The following HCN1 variants were observed in gnomAD, a reference collection of about 807,000 sequenced individuals.
HCN1 encodes hyperpolarization activated cyclic nucleotide gated potassium channel 1.
In HCN1, 13 loss-of-function variants were observed where a neutral mutation model predicts 78.9. That is an observed-to-expected ratio of 0.16 (90% CI 0.11 to 0.26). The LOEUF (loss-of-function observed/expected upper bound fraction) is 0.26, where lower values mean the gene tolerates loss of function less well. Ranked by LOEUF, HCN1 falls within the 10% of genes least tolerant of loss-of-function variation. The pLI is 1.00. For missense variants in HCN1, 810 were observed against 1,154.3 expected (o/e 0.70, Z 4.32); for synonymous variants, 552 against 455.5 (o/e 1.21, Z -2.70).
At position 45,571,061 on chromosome 5, in the gene HCN1, G is replaced by A. The variant is rs1367428861; in HGVS notation, c.849+74124C>T. 5.3e-5 allele frequency among the ~76,000 whole-genome samples: 8 copies of A among 152,036 alleles called. No homozygotes were observed. In the East Asian group the frequency reaches 1.6e-3, roughly 30 times the overall value. ...ACAATTCATGCTGTTTCCCATTTTT[G>A]ACTTCTTCCATGTCTACATTGGTTT... On this transcript the variant is annotated intron_variant, in intron 2 of 7. Transcript: ENST00000303230.
At chr5:45,279,880 AT>A (rs1745126542) in intron 6 of HCN1, among the ~76,000 whole-genome samples, 1 of 152,112 alleles carries the variant, frequency 6.6e-6, no homozygotes, top group African/African-American at 2.4e-5. Flanking sequence ...TGGTATTAAC[AT>A]TTTTTAAGCA....
chr5:45,462,606 C>G (rs1187093928), intron 2 of HCN1, among the ~76,000 whole-genome samples: 1 of 152,022 alleles, frequency 6.6e-6, no homozygotes, highest in Non-Finnish European at 1.5e-5. Flanking sequence ...TTGTGCAACA[C>G]TTTTAAAAAT....
intron 2 of HCN1, among the ~76,000 whole-genome samples, chr5:45,496,051 TC>T (rs1460853557): frequency 1.3e-5 from 2 of 152,150 alleles, no homozygotes; most frequent in Non-Finnish European, 2.9e-5. Context: ...AGGATATTGG[TC>T]TAAAATTCTC....
chr5:45,371,714 AC>A (rs1165230918), intron 4 of HCN1, among the ~76,000 whole-genome samples: 1 of 148,008 alleles, frequency 6.8e-6, no homozygotes, highest in Non-Finnish European at 1.5e-5. Context: ...CCAAGATAGC[AC>A]CATTTCACTC....
intron 6 of HCN1, among the ~76,000 whole-genome samples, chr5:45,300,702 C>A (rs1054210605): frequency 6.6e-6 from 1 of 152,022 alleles, no homozygotes; most frequent in African/African-American, 2.4e-5. Context: ...GGGGTTGGTA[C>A]CCCTAATCTC....
At chr5:45,266,149 T>C (rs1355240710) in intron 7 of HCN1, among the ~76,000 whole-genome samples, 2 of 152,234 alleles carry the variant, frequency 1.3e-5, no homozygotes, top group African/African-American at 2.4e-5. Flanking sequence ...AACTTTACTA[T>C]GGCAATTATG....
chr5:45,610,235 A>G (rs184154903), intron 2 of HCN1, among the ~76,000 whole-genome samples: 357 of 152,248 alleles, frequency 2.3e-3, no homozygotes, highest in Non-Finnish European at 4.0e-3. Context: ...AGCAGAAAAT[A>G]GCCATGAGAA....
chr5:45,688,937 A>C (rs1268990280), intron 1 of HCN1, among the ~76,000 whole-genome samples: 2 of 152,102 alleles, frequency 1.3e-5, no homozygotes, highest in Admixed American at 1.3e-4. Flanking sequence ...ATAAGCAAAA[A>C]TCTACAGAGA....
intron 2 of HCN1, among the ~76,000 whole-genome samples, chr5:45,591,714 C>T (rs1265506513): frequency 1.3e-5 from 2 of 152,174 alleles, no homozygotes; most frequent in African/African-American, 4.8e-5. Flanking sequence ...TGATGCATTT[C>T]TTTCAGTCTC....
Position 45,259,371 on chromosome 5 carries a change from G to C in HCN1, c.*2550C>G, listed in dbSNP as rs879267309. 2.6e-5 allele frequency: 4 copies of C among 152,252 alleles called. No homozygotes were observed. The highest frequency in any genetic ancestry group is 2.6e-4 in the Admixed American group (4 of 15,230). 9.4% of individuals were successfully genotyped at this position (152,252 alleles called of 1,614,324 possible). Reference sequence around the variant, plus strand: ...GATCATACAGTTGTTGTAAGAATCAGCTATTCTATTATCTTTCCAGCAGCA... The same window carrying C: ...GATCATACAGTTGTTGTAAGAATCACCTATTCTATTATCTTTCCAGCAGCA... On this transcript the variant is annotated 3_prime_UTR_variant, in exon 8 of 8. Transcript: ENST00000303230.
At chr5:45,267,599 C>A (rs530501510) in intron 6 of HCN1, among the ~76,000 whole-genome samples, 1 of 152,142 alleles carries the variant, frequency 6.6e-6, no homozygotes, top group East Asian at 1.9e-4. Flanking sequence ...GAAACCCCGT[C>A]TCTACTAAAA....
intron 3 of HCN1, among the ~76,000 whole-genome samples, chr5:45,450,420 A>G (rs558156782): frequency 6.6e-6 from 1 of 152,274 alleles, no homozygotes; most frequent in African/African-American, 2.4e-5. Context: ...CAGCTTTCTG[A>G]TTGAGTTTTA....
chr5:45,422,338 A>C (rs1740246046), intron 3 of HCN1, among the ~76,000 whole-genome samples: 1 of 152,130 alleles, frequency 6.6e-6, no homozygotes, highest in Non-Finnish European at 1.5e-5. Flanking sequence ...TGTTTAAATA[A>C]ATTTGTAATA....
intron 2 of HCN1, among the ~76,000 whole-genome samples, chr5:45,561,120 A>G (rs1341427148): frequency 6.6e-6 from 1 of 152,104 alleles, no homozygotes; most frequent in Non-Finnish European, 1.5e-5. Context: ...AATCAGATTT[A>G]TATTTTTAAA....
Position 45,262,053 on chromosome 5 carries a change from C to A in HCN1, c.2541G>T (p.Ser847=), listed in dbSNP as rs1158586028. 6.2e-7 allele frequency: 1 copy of A among 1,613,872 alleles called. No individual in the cohort carries two copies. Among genetic ancestry groups the A allele is most frequent in the Non-Finnish European group, 8.5e-7 (1 of 1,179,978 alleles). The change falls in exon 8 of 8, where the codon TCG becomes TCT. Residue 847 remains serine (S), a synonymous_variant. Coordinates refer to ENST00000303230, the MANE Select transcript of HCN1 (RefSeq NM_021072.4). The stretch of plus-strand genomic sequence containing the variant: ...CTCCTCGGTTCGGGGGGATGGCTCC[C>A]GACGACATCTGTCGGAAGAGGGTGA... ...QRVTLFRQMS[S]GAIPPNRGVP...
intron 5 of HCN1, among the ~76,000 whole-genome samples, chr5:45,332,308 C>G (rs922385151): frequency 2.0e-5 from 3 of 151,480 alleles, no homozygotes; most frequent in Non-Finnish European, 4.4e-5. Context: ...TATCCATCCT[C>G]AAGGATTTAT....
At chr5:45,335,128 C>T (rs190380352) in intron 5 of HCN1, among the ~76,000 whole-genome samples, 43 of 152,092 alleles carry the variant, frequency 2.8e-4, no homozygotes, top group Admixed American at 2.8e-3. Flanking sequence ...TGGCTCTTCA[C>T]AATCCATTGT....
chr5:45,577,519 A>C (rs1429466423), intron 2 of HCN1, among the ~76,000 whole-genome samples: 1 of 152,136 alleles, frequency 6.6e-6, no homozygotes, highest in Non-Finnish European at 1.5e-5. Context: ...AAGAAATATA[A>C]AATTATAGGC....
At chr5:45,476,044 G>A (rs1430421595) in intron 2 of HCN1, among the ~76,000 whole-genome samples, 10 of 152,094 alleles carry the variant, frequency 6.6e-5, no homozygotes, top group Non-Finnish European at 1.5e-4. Flanking sequence ...AAAATCATAG[G>A]TGAGAGTAGC....
Sources: gnomAD v4.1 joint callset for allele counts (sites outside exome capture counted in the v4.1 genomes callset) on GRCh38, gnomAD v4.1.1 for gene constraint, MANE v1.5 for transcripts, NCBI Gene and HGNC (gene_info 2026-07-23, HGNC 2026-07-21) for gene names.